Variants in CDC16 observed in about 807,000 individuals in gnomAD.
CDC16 encodes the protein cell division cycle 16.
A neutral mutation model predicts 87.0 loss-of-function variants in CDC16; 34 were observed. The observed-to-expected ratio is 0.39, with a 90% CI of 0.30 to 0.52. CDC16 has a LOEUF of 0.52. Among genes scored for constraint, CDC16 ranks in the 20% least tolerant of loss-of-function variants. The pLI is 0.74. For synonymous variants in CDC16, 263 were observed against 260.6 expected, an observed-to-expected ratio of 1.01 and a Z score of -0.09; for missense variants, 653 against 751.9, an observed-to-expected ratio of 0.87 and a Z score of 1.54.
At position 114,271,544 on chromosome 13, in the gene CDC16, G is replaced by A. The variant is rs60389281; in HGVS notation, c.1604-640G>A. On this transcript the variant is annotated intron_variant, in intron 17 of 17. Coordinates refer to ENST00000356221, the MANE Select transcript of CDC16 (RefSeq NM_001078645.3). ...GGCTGGAGTGCAGTGGCACTATCTC[G>A]GCTCACTGCAAGCTCCATCTCCTGG... is the stretch of plus-strand genomic sequence containing the variant. 7.2e-5 allele frequency among the ~76,000 whole-genome samples: 11 copies of A among 151,788 alleles called. No homozygotes were observed. The East Asian group carries it at 1.4e-3, about 19-fold the overall frequency.
At chr13:114,256,765 G>T (rs1362328636) in intron 12 of CDC16, among the ~76,000 whole-genome samples, 1 of 152,212 alleles carries the variant, frequency 6.6e-6, no homozygotes, top group Admixed American at 6.5e-5. Flanking sequence ...GCTGGGGCAT[G>T]ACATTAGCAT....
rs556404196 is a variant in CDC16, at chr13:114,244,131, G to T, written c.767+142G>T. 58 of 574,802 alleles carry T rather than the reference G, an allele frequency of 1.0e-4. No homozygotes were observed. The South Asian group carries it at 1.6e-3, about 16-fold the overall frequency. The allele number at this position is 574,802 out of a possible 1,614,324, so 35.6% of individuals were successfully genotyped here. Reference sequence around the variant, plus strand: ...TACCAATTGTAGAGCACTGAACAGGGTGCTGTCTTAAAAGAGCAATTTACA... The same window carrying T: ...TACCAATTGTAGAGCACTGAACAGGTTGCTGTCTTAAAAGAGCAATTTACA... On this transcript the variant is annotated intron_variant, in intron 8 of 17. Transcript: ENST00000356221.
At chr13:114,239,577 T>TTAC in intron 5 of CDC16, 87 bp downstream of exon 5, 1 of 1,341,834 alleles carries the variant, frequency 7.5e-7, no homozygotes, top group Non-Finnish European at 9.6e-7. Context: ...CTTTTACTTA[T>TTAC]TACTATATTA....
At chr13:114,254,891 A>T (rs1012718373) in intron 12 of CDC16, among the ~76,000 whole-genome samples, 3 of 152,172 alleles carry the variant, frequency 2.0e-5, no homozygotes, top group Non-Finnish European at 4.4e-5. Context: ...ATAAGAAGAA[A>T]CACTTACCAT....
intron 11 of CDC16, among the ~76,000 whole-genome samples, chr13:114,248,217 T>C (rs2081973201): frequency 6.6e-6 from 1 of 152,244 alleles, no homozygotes; most frequent in African/African-American, 2.4e-5. Flanking sequence ...ACTTAAACTC[T>C]GTAAATGTTC....
At chr13:114,257,913 A>C (rs185624580) in intron 13 of CDC16, among the ~76,000 whole-genome samples, 17 of 152,112 alleles carry the variant, frequency 1.1e-4, no homozygotes, top group African/African-American at 3.9e-4. Context: ...CAGCCTCCTG[A>C]GTAGCTGGGA....
chr13:114,239,277 C>T, intron 4 of CDC16, 73 bp from the exon 5 acceptor site: 1 of 1,534,418 alleles, frequency 6.5e-7, no homozygotes, highest in Non-Finnish European at 8.8e-7. Flanking sequence ...ATATGTTATC[C>T]TTTAAAAATT....
chr13:114,259,725 A>G (rs2082723471), intron 14 of CDC16, among the ~76,000 whole-genome samples: 2 of 152,232 alleles, frequency 1.3e-5, no homozygotes, highest in Non-Finnish European at 2.9e-5. Flanking sequence ...GTAGCGTCAG[A>G]TGTAATATTC....
chr13:114,236,984 C>A lies in CDC16; in HGVS notation c.201+88C>A, dbSNP rs1345326245. The A allele has an allele frequency of 9.0e-6, 7 of 776,106 alleles. No homozygotes were observed. In the East Asian group the frequency reaches 2.1e-4, roughly 23 times the overall value. The allele number at this position is 776,106 out of a possible 1,614,324, so 48.1% of individuals were successfully genotyped here. A position where few individuals can be genotyped will look rare whatever the true frequency, so the allele number is the denominator to read the frequency against. ...GGCGCGGTGGCTTACACCTGTAATC[C>A]CAGCGCTTTGGAAAGCCAAGGCAGG... On this transcript the variant is annotated intron_variant, in intron 3 of 17. Transcript: ENST00000356221.
Position 114,244,629 on chromosome 13 carries a change from T to C in CDC16, c.768-261T>C, listed in dbSNP as rs144476102. The C allele has an allele frequency of 5.7e-3, 1,665 of 290,762 alleles. 22 individuals carry two copies. Among genetic ancestry groups the C allele is most frequent in the African/African-American group, 0.033 (1,542 of 46,274 alleles). The allele number at this position is 290,762 out of a possible 1,614,324, so 18.0% of individuals were successfully genotyped here. On this transcript the variant is annotated intron_variant, in intron 8 of 17. Coordinates refer to ENST00000356221, the MANE Select transcript of CDC16 (RefSeq NM_001078645.3). ...TAAGCGGCCTACTTATTTTATGTAT[T>C]ACAATTCTGTTGACTTAAAGTAAAT...
intron 9 of CDC16, among the ~76,000 whole-genome samples, chr13:114,245,539 C>T (rs2081820858): frequency 6.6e-6 from 1 of 152,158 alleles, no homozygotes; most frequent in Non-Finnish European, 1.5e-5. Context: ...GTTGGAAATG[C>T]AGCATCTCCA....
chr13:114,243,781 C>T (rs1204076932), intron 7 of CDC16, 75 bp from the exon 8 acceptor site: 50 of 1,287,348 alleles, frequency 3.9e-5, no homozygotes, highest in Non-Finnish European at 5.3e-5. Context: ...ACCACTTGGG[C>T]CAAACACAAA....
chr13:114,235,354 A>G (rs536849782), intron 1 of CDC16, among the ~76,000 whole-genome samples: 9 of 152,298 alleles, frequency 5.9e-5, no homozygotes, highest in Non-Finnish European at 1.2e-4. Flanking sequence ...CCCCGAGCGC[A>G]CGGGGCGCCT....
intron 17 of CDC16, among the ~76,000 whole-genome samples, chr13:114,270,850 T>C (rs2083575800): frequency 6.6e-6 from 1 of 151,008 alleles, no homozygotes; most frequent in African/African-American, 2.4e-5. Context: ...GGAAGCTAAA[T>C]AAAGGCTAGA....
chr13:114,240,638 A>G (rs2081499324), intron 5 of CDC16, among the ~76,000 whole-genome samples: 1 of 152,200 alleles, frequency 6.6e-6, no homozygotes, highest in African/African-American at 2.4e-5. Context: ...GATTACAGTC[A>G]TGAGCCACTG....
At chr13:114,260,031 T>C (rs2082742658) in intron 14 of CDC16, among the ~76,000 whole-genome samples, 1 of 152,246 alleles carries the variant, frequency 6.6e-6, no homozygotes, top group South Asian at 2.1e-4. Context: ...ACTTGCATAG[T>C]AAGAGATTTG....
intron 11 of CDC16, among the ~76,000 whole-genome samples, chr13:114,248,975 G>T (rs143877729): frequency 6.6e-6 from 1 of 151,982 alleles, no homozygotes; most frequent in African/African-American, 2.4e-5. Flanking sequence ...CCCTCCCAGG[G>T]TGGGGGGACT....
chr13:114,270,958 G>C (rs1229859182), intron 17 of CDC16, among the ~76,000 whole-genome samples: 5 of 114,398 alleles, frequency 4.4e-5, no homozygotes, highest in East Asian at 2.7e-4. Flanking sequence ...GTCTCTCTCT[G>C]TCACCCAGGC....
At chr13:114,245,630 T>G (rs2138936401) in intron 9 of CDC16, 1 of 180,712 alleles carries the variant, frequency 5.5e-6, no homozygotes, top group East Asian at 1.7e-4. Flanking sequence ...TTCTCAAGAT[T>G]AAATAGTATC....
Sources: gnomAD v4.1 joint callset for allele counts (sites outside exome capture counted in the v4.1 genomes callset) on GRCh38, gnomAD v4.1.1 for gene constraint, MANE v1.5 for transcripts, NCBI Gene and HGNC (gene_info 2026-07-23, HGNC 2026-07-21) for gene names.